Variants in FAM171A1 observed in about 807,000 individuals in gnomAD.
FAM171A1 encodes family with sequence similarity 171 member A1.
In FAM171A1, 23 loss-of-function variants were observed where a neutral mutation model predicts 74.9. That is an observed-to-expected ratio of 0.31 (90% CI 0.22 to 0.44). FAM171A1 has a LOEUF of 0.44. FAM171A1 is among the 20% of genes least tolerant of loss of function. The pLI is 1.00. For synonymous variants in FAM171A1, 527 were observed against 505.7 expected, an observed-to-expected ratio of 1.04 and a Z score of -0.57; for missense variants, 1,162 against 1,159.2, an observed-to-expected ratio of 1.00 and a Z score of -0.03.
chr10:15,313,694 G>A lies in FAM171A1; in HGVS notation c.98-29589C>T, dbSNP rs138990043. Among the ~76,000 whole-genome samples the A allele has an allele frequency of 5.1e-4, 77 of 152,298 alleles. 2 individuals are homozygous for A. In the East Asian group the frequency reaches 0.012, roughly 24 times the overall value. On this transcript the variant is annotated intron_variant, in intron 1 of 7. Coordinates refer to ENST00000378116, the MANE Select transcript of FAM171A1 (RefSeq NM_001010924.2). ...TCCAAACGCCAAGGAAAATGAAGGT[G>A]CATACATAAACATCCCGAGGGTGAA...
chr10:15,214,627 C>A, intron 7 of FAM171A1, 26 bp from the exon 8 acceptor site: 1 of 1,530,726 alleles, frequency 6.5e-7, no homozygotes, highest in Non-Finnish European at 8.8e-7. Flanking sequence ...CAATCCAAAG[C>A]CAAAGATTAG....
At chr10:15,305,203 T>C (rs894460284) in intron 1 of FAM171A1, among the ~76,000 whole-genome samples, 3 of 152,240 alleles carry the variant, frequency 2.0e-5, no homozygotes, top group Non-Finnish European at 4.4e-5. Context: ...TATTTATACT[T>C]GCTGCAAGGA....
At position 15,371,008 on chromosome 10, in the gene FAM171A1, G is replaced by A. The variant is rs1361140603; in HGVS notation, c.45C>T (p.His15=). The stretch of plus-strand genomic sequence containing the variant: ...GCGTCTTGGTCACCGCCTTCCAGAC[G>A]TGGCAGCCCAGCAGGCACAGCAGCA... ...ATLLLCLLGC[H]VWKAVTKTLR... Residue 15 remains histidine (H), a synonymous_variant, in exon 1 of 8, where the codon CAC becomes CAT. Transcript: ENST00000378116. 10 of 1,189,092 alleles carry A rather than the reference G, an allele frequency of 8.4e-6. No individual in the cohort carries two copies. In the Admixed American group the frequency reaches 8.9e-5, roughly 11 times the overall value. 73.7% of individuals were successfully genotyped at this position (1,189,092 alleles called of 1,614,324 possible). A position where few individuals can be genotyped will look rare whatever the true frequency, so the allele number is the denominator to read the frequency against.
intron 3 of FAM171A1, among the ~76,000 whole-genome samples, chr10:15,266,696 G>T (rs1427874799): frequency 6.6e-6 from 1 of 151,774 alleles, no homozygotes; most frequent in Non-Finnish European, 1.5e-5. Context: ...CGAGACCCCC[G>T]TCTCTACTAA....
chr10:15,225,910 CT>C (rs1415333295), intron 5 of FAM171A1, among the ~76,000 whole-genome samples: 2 of 152,238 alleles, frequency 1.3e-5, no homozygotes, highest in Non-Finnish European at 2.9e-5. Flanking sequence ...CTTCTTAAGC[CT>C]GTCTCCTTGG....
intron 5 of FAM171A1, among the ~76,000 whole-genome samples, chr10:15,244,100 T>G (rs947414770): frequency 6.6e-6 from 1 of 152,202 alleles, no homozygotes; most frequent in Non-Finnish European, 1.5e-5. Context: ...ACGCCTGTCA[T>G]CCCACGACTG....
intron 1 of FAM171A1, among the ~76,000 whole-genome samples, chr10:15,339,572 A>C (rs1205656101): frequency 6.6e-6 from 1 of 152,168 alleles, no homozygotes; most frequent in Non-Finnish European, 1.5e-5. Flanking sequence ...TGTCATTCTC[A>C]TGACATCATA....
At chr10:15,246,897 A>G (rs1362153321) in intron 5 of FAM171A1, among the ~76,000 whole-genome samples, 1 of 152,202 alleles carries the variant, frequency 6.6e-6, no homozygotes, top group Non-Finnish European at 1.5e-5. Context: ...CGCTGCCAAG[A>G]CCCTCAGCCC....
At chr10:15,312,204 C>T (rs910325821) in intron 1 of FAM171A1, among the ~76,000 whole-genome samples, 3 of 152,134 alleles carry the variant, frequency 2.0e-5, no homozygotes, top group Non-Finnish European at 4.4e-5. Flanking sequence ...ATCAAAAGCC[C>T]CCTGCTTATA....
chr10:15,217,240 C>A (rs1030985424), intron 6 of FAM171A1, among the ~76,000 whole-genome samples: 3 of 152,176 alleles, frequency 2.0e-5, no homozygotes, highest in Admixed American at 6.5e-5. Context: ...ACAACAAAAA[C>A]CTCCCAACAT....
At chr10:15,237,535 C>G (rs1162331995) in intron 5 of FAM171A1, 2 of 152,298 alleles carry the variant, frequency 1.3e-5, no homozygotes, top group Non-Finnish European at 2.9e-5. Flanking sequence ...TGCTACCCGG[C>G]CTTCCTGCAC....
At chr10:15,353,804 G>A (rs968656043) in intron 1 of FAM171A1, among the ~76,000 whole-genome samples, 9 of 152,042 alleles carry the variant, frequency 5.9e-5, no homozygotes, top group Non-Finnish European at 1.0e-4. Context: ...TAAAAGTCAG[G>A]AAAGGCCCCA....
At chr10:15,300,669 T>C (rs1412028823) in intron 1 of FAM171A1, among the ~76,000 whole-genome samples, 2 of 144,792 alleles carry the variant, frequency 1.4e-5, no homozygotes, top group Non-Finnish European at 3.0e-5. Flanking sequence ...TGCCGGGCTT[T>C]GGACTGACAA....
intron 3 of FAM171A1, among the ~76,000 whole-genome samples, chr10:15,259,778 C>T (rs185803979): frequency 1.7e-4 from 26 of 152,032 alleles, no homozygotes; most frequent in East Asian, 1.5e-3. Flanking sequence ...AACCAGTTCT[C>T]ATCCTCTGGC....
At chr10:15,334,052 C>T (rs570895210) in intron 1 of FAM171A1, among the ~76,000 whole-genome samples, 2 of 152,258 alleles carry the variant, frequency 1.3e-5, no homozygotes, top group South Asian at 2.1e-4. Flanking sequence ...AGATCCACAG[C>T]GCCTGACTCT....
chr10:15,367,718 T>C (rs1211761153), intron 1 of FAM171A1, among the ~76,000 whole-genome samples: 3 of 152,258 alleles, frequency 2.0e-5, no homozygotes, highest in Admixed American at 6.5e-5. Context: ...TATAACAGAT[T>C]GCAGCTTTTC....
At chr10:15,366,759 A>G (rs898151599) in intron 1 of FAM171A1, among the ~76,000 whole-genome samples, 1 of 152,226 alleles carries the variant, frequency 6.6e-6, no homozygotes, top group Non-Finnish European at 1.5e-5. Context: ...TTATTTCCAT[A>G]TGTTTTCTTG....
chr10:15,351,608 G>C (rs28379054), intron 1 of FAM171A1, among the ~76,000 whole-genome samples: 66 of 123,112 alleles, frequency 5.4e-4, no homozygotes, highest in African/African-American at 1.8e-3. Context: ...TGGATGGATG[G>C]ATGCATGGAT....
intron 5 of FAM171A1, among the ~76,000 whole-genome samples, chr10:15,231,024 C>A (rs1349144262): frequency 6.6e-6 from 1 of 152,166 alleles, no homozygotes; most frequent in African/African-American, 2.4e-5. Context: ...GAAAAATCCT[C>A]AGGATGAAAG....
Sources: gnomAD v4.1 joint callset for allele counts (sites outside exome capture counted in the v4.1 genomes callset) on GRCh38, gnomAD v4.1.1 for gene constraint, MANE v1.5 for transcripts, NCBI Gene and HGNC (gene_info 2026-07-23, HGNC 2026-07-21) for gene names.